SPINK8: variants seen among roughly 807,000 people sequenced by gnomAD.
The protein encoded by SPINK8 is serine peptidase inhibitor Kazal type 8 (putative).
In SPINK8, 12 loss-of-function variants were observed where a neutral mutation model predicts 14.4. That is an observed-to-expected ratio of 0.83 (90% CI 0.53 to 1.35). The LOEUF is 1.35. Ranked by LOEUF, SPINK8 falls within the 40% of genes most tolerant of loss-of-function variation. The pLI is 0.00. For missense variants in SPINK8, 103 were observed against 117.0 expected (o/e 0.88, Z 0.55); for synonymous variants, 32 against 37.6 (o/e 0.85, Z 0.55).
chr3:48,316,446 A>T (rs1224507910), intron 6 of SPINK8: 1 of 155,648 alleles, frequency 6.4e-6, no homozygotes, highest in Non-Finnish European at 1.5e-5. Flanking sequence ...AGCTGGAAGC[A>T]GTGGGATGAC....
At chr3:48,309,867 A>G in intron 7 of SPINK8, 37 bp downstream of exon 7, 1 of 1,445,348 alleles carries the variant, frequency 6.9e-7, no homozygotes, top group Non-Finnish European at 9.1e-7. Flanking sequence ...TATCTAGTTT[A>G]CTTCTAAAAA....
chr3:48,333,123 G>A (rs2036287798), intron 1 of SPINK8, among the ~76,000 whole-genome samples: 1 of 152,118 alleles, frequency 6.6e-6, no homozygotes, highest in Non-Finnish European at 1.5e-5. Context: ...ACATAATTGT[G>A]AGTTGTCTCT....
At chr3:48,327,259 T>G (rs772371500) in intron 4 of SPINK8, among the ~76,000 whole-genome samples, 4 of 152,198 alleles carry the variant, frequency 2.6e-5, no homozygotes, top group Non-Finnish European at 4.4e-5. Flanking sequence ...TTTCATGAAA[T>G]GATGAGAACC....
chr3:48,326,391 T>A (rs2036141769), intron 4 of SPINK8, among the ~76,000 whole-genome samples: 1 of 152,010 alleles, frequency 6.6e-6, no homozygotes, highest in Non-Finnish European at 1.5e-5. Flanking sequence ...GCAGGTCACC[T>A]GAGGTCAGGA....
At chr3:48,330,190 A>G (rs769882108) in intron 2 of SPINK8, among the ~76,000 whole-genome samples, 4 of 152,094 alleles carry the variant, frequency 2.6e-5, no homozygotes, top group African/African-American at 4.8e-5. Flanking sequence ...GCCTGCTTAT[A>G]TATATTTTTA....
At position 48,312,956 on chromosome 3, in the gene SPINK8, C is replaced by T. The variant is rs906068045; in HGVS notation, c.240-3010G>A. On this transcript the variant is annotated intron_variant, in intron 6 of 7. Transcript: ENST00000434006. ...GAGGTTGCAGTGAGCTGAAATCATG[C>T]CACTGCACTCCAGCCTGGGAACAGA... Among the ~76,000 whole-genome samples, 50 of 151,432 alleles carry T rather than the reference C, an allele frequency of 3.3e-4. 1 individual carries two copies. The highest frequency in any genetic ancestry group is 6.3e-4 in the South Asian group (3 of 4,780).
chr3:48,307,721 C>A (rs1329737800), intron 7 of SPINK8, among the ~76,000 whole-genome samples: 2 of 151,986 alleles, frequency 1.3e-5, no homozygotes, highest in African/African-American at 4.8e-5. Flanking sequence ...CATTTGAGTT[C>A]ATTCAAGTGT....
rs148948565 is a variant in SPINK8 at position 48,328,561 on chromosome 3, G to C, written c.-13-207C>G. ...ATTTGAAAAAAAAATCTTAAAAACAGAATTTTAGAAGATGCCAGAAAAAGA... is the reference window on the plus strand; with the variant it reads ...ATTTGAAAAAAAAATCTTAAAAACACAATTTTAGAAGATGCCAGAAAAAGA... On this transcript the variant is annotated intron_variant, in intron 3 of 7. Coordinates refer to ENST00000434006, the MANE Select transcript of SPINK8 (RefSeq NM_001080525.3). Among the ~76,000 whole-genome samples the C allele has an allele frequency of 5.9e-5, 9 of 152,228 alleles. No homozygotes were observed. The East Asian group carries it at 1.7e-3, about 29-fold the overall frequency.
intron 2 of SPINK8, among the ~76,000 whole-genome samples, chr3:48,330,455 G>C (rs1317655073): frequency 6.6e-6 from 1 of 152,174 alleles, no homozygotes; most frequent in African/African-American, 2.4e-5. Flanking sequence ...AGAGGCAGAG[G>C]TTGCAGTAAG....
At chr3:48,307,536 CCCCCA>C (rs1185690587) in intron 7 of SPINK8, among the ~76,000 whole-genome samples, 36 of 115,650 alleles carry the variant, frequency 3.1e-4, no homozygotes, top group Middle Eastern at 7.9e-3. Context: ...CCCTATCTGC[CCCCCA>C]CCCCCCCACC....
At chr3:48,329,903 A>G (rs933482798) in intron 2 of SPINK8, among the ~76,000 whole-genome samples, 1 of 152,234 alleles carries the variant, frequency 6.6e-6, no homozygotes, top group African/African-American at 2.4e-5. Context: ...AGAGCTGAGA[A>G]ATCTGGAGAT....
At chr3:48,329,681 G>T (rs2036218669) in intron 2 of SPINK8, among the ~76,000 whole-genome samples, 1 of 152,068 alleles carries the variant, frequency 6.6e-6, no homozygotes. Flanking sequence ...TATTTCTTTA[G>T]AGACAAGGTC....
intron 4 of SPINK8, among the ~76,000 whole-genome samples, chr3:48,327,506 GC>G (rs1385421178): frequency 6.6e-6 from 1 of 152,190 alleles, no homozygotes; most frequent in Non-Finnish European, 1.5e-5. Context: ...ATGAGACTCA[GC>G]CAGAAGGGAA....
Position 48,332,474 on chromosome 3 carries a change from G to C in SPINK8, c.-241-3C>G, listed in dbSNP as rs752994102. Among the ~76,000 whole-genome samples, 10 of 152,232 alleles carry C rather than the reference G, an allele frequency of 6.6e-5. No individual in the cohort carries two copies. The Middle Eastern group carries it at 0.01, about 155-fold the overall frequency. On this transcript the variant is annotated splice_polypyrimidine_tract_variant and splice_region_variant and intron_variant, in intron 1 of 7. Transcript: ENST00000434006. ...GCAGTAGGATTTTCTTCCTTTCCCTGTGTTATAGTGGGCATCATTGAATAA... is the reference window on the plus strand; with the variant it reads ...GCAGTAGGATTTTCTTCCTTTCCCTCTGTTATAGTGGGCATCATTGAATAA...
At chr3:48,315,415 A>G (rs2035974525) in intron 6 of SPINK8, among the ~76,000 whole-genome samples, 1 of 152,078 alleles carries the variant, frequency 6.6e-6, no homozygotes, top group African/African-American at 2.4e-5. Flanking sequence ...TAAATCAGCT[A>G]TTTTACTTAT....
chr3:48,314,687 G>A (rs2035963510), intron 6 of SPINK8, among the ~76,000 whole-genome samples: 1 of 152,154 alleles, frequency 6.6e-6, no homozygotes, highest in African/African-American at 2.4e-5. Context: ...TTTTCCCTGG[G>A]AAAATTTGTT....
chr3:48,306,871 A>G lies in SPINK8; in HGVS notation c.*121T>C, dbSNP rs2035857419. Reference sequence around the variant, plus strand: ...CTGCTAAGAATCATTTATTGAAGACATAAATCAACGAGTTTGATCCAACCA... The same window carrying G: ...CTGCTAAGAATCATTTATTGAAGACGTAAATCAACGAGTTTGATCCAACCA... On this transcript the variant is annotated 3_prime_UTR_variant, in exon 8 of 8. Transcript: ENST00000434006. 1.0e-6 allele frequency: 1 copy of G among 966,342 alleles called. No homozygotes were observed. The highest frequency in any genetic ancestry group is 1.6e-6 in the Non-Finnish European group (1 of 642,574). The allele number at this position is 966,342 out of a possible 1,614,324, so 59.9% of individuals were successfully genotyped here. A position where few individuals can be genotyped will look rare whatever the true frequency, so the allele number is the denominator to read the frequency against.
chr3:48,332,589 G>A (rs1378263316), intron 1 of SPINK8, among the ~76,000 whole-genome samples, 118 bp from the exon 2 acceptor site: 5 of 152,094 alleles, frequency 3.3e-5, no homozygotes, highest in Admixed American at 6.5e-5. Context: ...CTGATTCTGC[G>A]TCCCATTGAG....
At chr3:48,307,958 ATTCTTTTT>A (rs2035871363) in intron 7 of SPINK8, among the ~76,000 whole-genome samples, 1 of 106,732 alleles carries the variant, frequency 9.4e-6, no homozygotes, top group African/African-American at 3.7e-5. Flanking sequence ...TTCAGTCTGC[ATTCTTTTT>A]TTTTTTTTTT....
Sources: gnomAD v4.1 joint callset for allele counts (sites outside exome capture counted in the v4.1 genomes callset) on GRCh38, gnomAD v4.1.1 for gene constraint, MANE v1.5 for transcripts, NCBI Gene and HGNC (gene_info 2026-07-23, HGNC 2026-07-21) for gene names.